The following DCTN2 variants were observed in gnomAD, a reference collection of about 807,000 sequenced individuals.
The protein encoded by DCTN2 is 50 kDa dynein-associated polypeptide.
Under a neutral mutation model 55.4 loss-of-function variants are expected in DCTN2, and 18 were observed. The observed-to-expected ratio is 0.32, with a 90% CI of 0.22 to 0.48. The LOEUF (loss-of-function observed/expected upper bound fraction) is 0.48, where lower values mean the gene tolerates loss of function less well. Among genes scored for constraint, DCTN2 ranks in the 20% least tolerant of loss-of-function variants. The pLI is 0.99. For missense variants in DCTN2, 390 were observed against 491.0 expected (o/e 0.79, Z 1.94); for synonymous variants, 168 against 185.2 (o/e 0.91, Z 0.76).
Position 57,532,216 on chromosome 12 carries a change from G to A in DCTN2, c.1024C>T (p.Gln342Ter). The part of the protein sequence containing the change: ...RLVTIKQLHE[Q>*]AMQFGQLLTH... ...CTCCTGGCAGCTGGCCTCCCACCTT[G>A]CTCGTGCAGCTGCTTGATGGTGACA... The change falls in exon 12 of 14, where the codon CAA becomes TAA. Residue 342 changes from glutamine to a stop codon, truncating the protein, a stop_gained. Transcript: ENST00000548249. LOFTEE classifies it high-confidence loss of function. The A allele has an allele frequency of 6.4e-7, 1 of 1,554,758 alleles. No individual in the cohort carries two copies. The highest frequency in any genetic ancestry group is 8.7e-7 in the Non-Finnish European group (1 of 1,148,684).
In DCTN2 at chr12:57,530,605, A is replaced by T; in HGVS notation, c.*84T>A. 1 of 1,213,272 alleles carries T rather than the reference A, an allele frequency of 8.2e-7. No individual in the cohort carries two copies. 75.2% of individuals were successfully genotyped at this position (1,213,272 alleles called of 1,614,324 possible). ...CAAATGGGATGGGGATGCTAGAGTTATAGTAAAGGGGAAACCCTATGTAAG... is the reference window on the plus strand; with the variant it reads ...CAAATGGGATGGGGATGCTAGAGTTTTAGTAAAGGGGAAACCCTATGTAAG... On this transcript the variant is annotated 3_prime_UTR_variant, in exon 14 of 14. Transcript: ENST00000548249.
In DCTN2 at chr12:57,532,318, G is replaced by T; in HGVS notation, c.925-3C>A. The T allele has an allele frequency of 6.4e-7, 1 of 1,558,348 alleles. No homozygotes were observed. Among genetic ancestry groups the T allele is most frequent in the South Asian group, 1.2e-5 (1 of 84,702 alleles). ...ATAGTTTCATATAGCTGGTGCACCT[G>T]AAGGGACACAATGGGGCCCAGAGGG... is the stretch of plus-strand genomic sequence containing the variant. On this transcript the variant is annotated splice_polypyrimidine_tract_variant and splice_region_variant and intron_variant, in intron 11 of 13. Transcript: ENST00000548249.
At chr12:57,541,434 A>C in intron 2 of DCTN2, 6 of 1,560,014 alleles carry the variant, frequency 3.8e-6, no homozygotes, top group Non-Finnish European at 5.2e-6. Flanking sequence ...AAACTCAGGT[A>C]AGTTCAAGTG....
intron 2 of DCTN2, among the ~76,000 whole-genome samples, chr12:57,539,019 G>C (rs1157985388): frequency 6.6e-6 from 1 of 152,196 alleles, no homozygotes; most frequent in African/African-American, 2.4e-5. Flanking sequence ...CATGGCCCTT[G>C]TCTTCCTATC....
chr12:57,535,267 CA>C lies in DCTN2; in HGVS notation c.265-114del, dbSNP rs1880134511. The C allele has an allele frequency of 1.3e-5, 13 of 1,019,560 alleles. 1 individual carries two copies. Among genetic ancestry groups the C allele is most frequent in the Middle Eastern group, 4.1e-4 (2 of 4,838 alleles). The allele number at this position is 1,019,560 out of a possible 1,614,324, so 63.2% of individuals were successfully genotyped here. ...GGTATCATATCCAATTGAGAATCCA[CA>C]ACACCCTAGTACCAAAGAACTGAGG... is the stretch of plus-strand genomic sequence containing the variant. On this transcript the variant is annotated intron_variant, in intron 4 of 13. Coordinates refer to ENST00000548249, the MANE Select transcript of DCTN2 (RefSeq NM_001261413.2).
intron 2 of DCTN2, chr12:57,538,334 AGTG>A (rs1393388182): frequency 9.2e-6 from 6 of 651,422 alleles, no homozygotes; most frequent in Admixed American, 2.1e-5. Context: ...CTACTCCAGC[AGTG>A]TCTTGAAGAT....
In DCTN2 at chr12:57,533,320, G is replaced by C; in HGVS notation, c.670-17C>G. ...TTCTGCGACCTAGTGGGAGGAAGGA[G>C]GTGAGATTTGCCATCTGCTTCCCTG... On this transcript the variant is annotated splice_polypyrimidine_tract_variant and intron_variant, in intron 7 of 13. Transcript: ENST00000548249. 6.2e-7 allele frequency: 1 copy of C among 1,613,340 alleles called. No homozygotes were observed. The highest frequency in any genetic ancestry group is 1.1e-5 in the South Asian group (1 of 91,052).
In DCTN2 at chr12:57,535,458, T is replaced by A. The variant is rs776609263; in HGVS notation, c.264+26A>T. 4 of 1,611,456 alleles carry A rather than the reference T, an allele frequency of 2.5e-6. No homozygotes were observed. The African/African-American group carries it at 4.0e-5, about 16-fold the overall frequency. Reference sequence around the variant, plus strand: ...AGATAGGGTCACTACACCATTCCCATCAACACACACACACACACAACAAAC... The same window carrying A: ...AGATAGGGTCACTACACCATTCCCAACAACACACACACACACACAACAAAC... On this transcript the variant is annotated intron_variant, in intron 4 of 13. Transcript: ENST00000548249.
At chr12:57,539,622 G>A (rs552722245) in intron 2 of DCTN2, among the ~76,000 whole-genome samples, 16 of 152,266 alleles carry the variant, frequency 1.1e-4, no homozygotes, top group South Asian at 6.2e-4. Context: ...GTATGCATAT[G>A]AAAAACCATG....
In DCTN2 at chr12:57,532,024, G is replaced by C; in HGVS notation, c.1110C>G (p.Leu370=). Residue 370 remains leucine (L), a synonymous_variant, in exon 13 of 14, where the codon CTC becomes CTG. Transcript: ENST00000548249. ...ACAAAGGGGCACACACCTGGGTCAAGAGGGTGGTATTGTCCTTCAAGGAAT... is the reference window on the plus strand; with the variant it reads ...ACAAAGGGGCACACACCTGGGTCAACAGGGTGGTATTGTCCTTCAAGGAAT... ...IANSLKDNTT[L]LTQVQTTMRE... is the part of the protein sequence containing the mutation. The C allele has an allele frequency of 6.4e-7, 1 of 1,561,546 alleles. No homozygotes were observed. Among genetic ancestry groups the C allele is most frequent in the Non-Finnish European group, 8.7e-7 (1 of 1,152,238 alleles).
At chr12:57,543,190 T>G in intron 2 of DCTN2, 1 of 360,594 alleles carries the variant, frequency 2.8e-6, no homozygotes, top group South Asian at 2.1e-5. Flanking sequence ...CTACTAAAAA[T>G]ACAAGAAAAT....
At chr12:57,532,533 G>A (rs1405059477) in intron 11 of DCTN2, 39 bp downstream of exon 11, 1 of 1,601,386 alleles carries the variant, frequency 6.2e-7, no homozygotes, top group East Asian at 2.2e-5. Flanking sequence ...CGGAGAACCT[G>A]AGGGAGTGGA....
chr12:57,543,840 C>G (rs1440891012), intron 2 of DCTN2: 1 of 1,289,160 alleles, frequency 7.8e-7, no homozygotes, highest in South Asian at 1.2e-5. Flanking sequence ...AGGAAATGAA[C>G]ACTCACAGTA....
rs141138364 is a variant in DCTN2, at chr12:57,541,908, G to A, written c.105+4120C>T. 1.3e-3 allele frequency among the ~76,000 whole-genome samples: 198 copies of A among 152,342 alleles called. 5 individuals carry two copies. The East Asian group carries it at 0.027, about 21-fold the overall frequency. ...ATTGAGGAGGAAAGGGCTACAGCCCGTGCACTTTCCTGGTCCATTCCTGTT... is the reference window on the plus strand; with the variant it reads ...ATTGAGGAGGAAAGGGCTACAGCCCATGCACTTTCCTGGTCCATTCCTGTT... On this transcript the variant is annotated intron_variant, in intron 2 of 13. Transcript: ENST00000548249.
rs1231309724 is a variant in DCTN2 at position 57,535,530 on chromosome 12, A to G, written c.218T>C (p.Ile73Thr). The change falls in exon 4 of 14, where the codon ATT becomes ACT. Residue 73 changes from isoleucine to threonine, a missense_variant. By Grantham distance (89) the Ile-to-Thr change is moderately conservative. Around this residue, in one of 2 missense-constraint regions of DCTN2, gnomAD observed 117 missense variants for 187.8 expected, o/e 0.62. Transcript: ENST00000548249. ...GTKGLDFSDR[I>T]GKTKRTGYES... is the part of the protein sequence containing the mutation. ...ATATCCTGTCCTCTTGGTTTTTCCA[A>G]TACGATCTGAGAAATCTGCCAAGAA... The G allele has an allele frequency of 6.2e-7, 1 of 1,614,012 alleles. No individual in the cohort carries two copies. Among genetic ancestry groups the G allele is most frequent in the South Asian group, 1.1e-5 (1 of 91,076 alleles).
chr12:57,531,531 A>G (rs999848382), intron 13 of DCTN2, among the ~76,000 whole-genome samples: 4 of 152,252 alleles, frequency 2.6e-5, no homozygotes, highest in South Asian at 2.1e-4. Context: ...ATAAAAAACA[A>G]TAAGAAATTG....
chr12:57,541,476 C>T, intron 2 of DCTN2: 7 of 1,169,608 alleles, frequency 6.0e-6, no homozygotes, highest in Non-Finnish European at 8.8e-6. Flanking sequence ...ATCAAGCATA[C>T]TCCAGGATCT....
intron 1 of DCTN2, 69 bp downstream of exon 1, chr12:57,546,959 G>T (rs572742461): frequency 3.3e-5 from 40 of 1,211,700 alleles, no homozygotes; most frequent in Non-Finnish European, 4.1e-5. Flanking sequence ...TCGCGGGCTG[G>T]TTTCTGCTGG....
At chr12:57,541,313 G>C in intron 2 of DCTN2, 8 of 1,592,688 alleles carry the variant, frequency 5.0e-6, no homozygotes, top group Non-Finnish European at 6.8e-6. Context: ...CATTGCATGC[G>C]AGATGGCAGA....
Sources: gnomAD v4.1 joint callset for allele counts (sites outside exome capture counted in the v4.1 genomes callset) on GRCh38, gnomAD v4.1.1 for gene constraint, gnomAD v4.1.1 regional missense constraint, MANE v1.5 for transcripts, NCBI Gene and HGNC (gene_info 2026-07-23, HGNC 2026-07-21) for gene names.